The following THRB variants were observed in gnomAD, a reference collection of about 807,000 sequenced individuals.
The protein encoded by THRB is nuclear receptor subfamily 1 group A member 2.
In THRB, 12 loss-of-function variants were observed where a neutral mutation model predicts 47.8. The ratio of observed to expected loss-of-function variants is 0.25; its 90% CI spans 0.16 to 0.41. The LOEUF is 0.41. Among genes scored for constraint, THRB ranks in the 10% least tolerant of loss-of-function variants. The pLI is 1.00. For synonymous variants in THRB, 218 were observed against 212.2 expected (o/e 1.03, Z -0.24); for missense variants, 348 against 589.2 (o/e 0.59, Z 4.24).
chr3:24,148,745 A>G (rs2036483212), intron 6 of THRB, among the ~76,000 whole-genome samples: 2 of 152,214 alleles, frequency 1.3e-5, no homozygotes, highest in Admixed American at 6.5e-5. Context: ...CAGACACAAA[A>G]GCTCTTTCTT....
intron 4 of THRB, among the ~76,000 whole-genome samples, chr3:24,194,854 G>C (rs2043778702): frequency 6.6e-6 from 1 of 152,218 alleles, no homozygotes; most frequent in Non-Finnish European, 1.5e-5. Flanking sequence ...CTAAAGCAAA[G>C]GAAATAGGAT....
At chr3:24,485,639 C>T (rs989500026) in intron 1 of THRB, among the ~76,000 whole-genome samples, 6 of 152,206 alleles carry the variant, frequency 3.9e-5, no homozygotes, top group Non-Finnish European at 8.8e-5. Flanking sequence ...CCATCTGGCT[C>T]CTGCCTGCTC....
chr3:24,341,193 C>CTTTCATTTCCTTTCG (rs1371158177), intron 1 of THRB, among the ~76,000 whole-genome samples: 3 of 141,828 alleles, frequency 2.1e-5, no homozygotes, highest in Admixed American at 7.1e-5. Flanking sequence ...CTTTCGTTTC[C>CTTTCATTTCCTTTCG]TTTCCTTTCT....
At chr3:24,233,349 C>T (rs569486209) in intron 3 of THRB, among the ~76,000 whole-genome samples, 1 of 151,796 alleles carries the variant, frequency 6.6e-6, no homozygotes, top group Non-Finnish European at 1.5e-5. Flanking sequence ...TAGCTGGGCA[C>T]AGTGGCATGC....
chr3:24,165,056 A>C, intron 5 of THRB: 1 of 762,326 alleles, frequency 1.3e-6, no homozygotes, highest in Non-Finnish European at 2.4e-6. Flanking sequence ...TGGCGACTGC[A>C]CTTGAGAAAA....
chr3:24,411,817 T>C lies in THRB; in HGVS notation c.-260-74446A>G, dbSNP rs138860480. ...ATGTGTAGGATACAACAGAGAATTA[T>C]TTAACCCCATATATCAACAGTGCCA... On this transcript the variant is annotated intron_variant, in intron 1 of 10. Coordinates refer to ENST00000646209, the MANE Select transcript of THRB (RefSeq NM_001354712.2). 5.0e-3 allele frequency among the ~76,000 whole-genome samples: 753 copies of C among 151,860 alleles called. 5 individuals carry two copies. Among genetic ancestry groups the C allele is most frequent in the Non-Finnish European group, 4.7e-3 (320 of 67,828 alleles).
chr3:24,231,212 A>G (rs1467730900), intron 3 of THRB, among the ~76,000 whole-genome samples: 2 of 152,180 alleles, frequency 1.3e-5, no homozygotes, highest in Non-Finnish European at 2.9e-5. Flanking sequence ...CATTAATACA[A>G]ATGTGTCAGC....
At chr3:24,132,766 G>T (rs1028888096) in intron 9 of THRB, among the ~76,000 whole-genome samples, 1 of 152,226 alleles carries the variant, frequency 6.6e-6, no homozygotes, top group South Asian at 2.1e-4. Context: ...GGGATATTAA[G>T]AGCCTGGTTC....
rs542794204 is a variant in THRB, at chr3:24,118,322, C to A, written c.*4562G>T. 1 of 152,606 alleles carries A rather than the reference C, an allele frequency of 6.6e-6. No individual in the cohort carries two copies. Among genetic ancestry groups the A allele is most frequent in the East Asian group, 1.9e-4 (1 of 5,190 alleles). 9.5% of individuals were successfully genotyped at this position (152,606 alleles called of 1,614,324 possible). ...TGCATACAAAAGCTATGTAAAAATC[C>A]ATTTTTCCCAAATATACAAATTTTT... On this transcript the variant is annotated 3_prime_UTR_variant, in exon 11 of 11. Transcript: ENST00000646209.
At chr3:24,470,837 G>A (rs998569138) in intron 1 of THRB, among the ~76,000 whole-genome samples, 1 of 152,210 alleles carries the variant, frequency 6.6e-6, no homozygotes, top group African/African-American at 2.4e-5. Context: ...GGCTGGTCTC[G>A]AACTCCTGAC....
In THRB at chr3:24,445,040, A is replaced by G. The variant is rs137872324; in HGVS notation, c.-261+49612T>C. 3.5e-4 allele frequency among the ~76,000 whole-genome samples: 53 copies of G among 152,248 alleles called. 4 individuals carry two copies. In the East Asian group the frequency reaches 5.6e-3, roughly 16 times the overall value. On this transcript the variant is annotated intron_variant, in intron 1 of 10. Coordinates refer to ENST00000646209, the MANE Select transcript of THRB (RefSeq NM_001354712.2). The stretch of plus-strand genomic sequence containing the variant: ...ATACAAATTATAATGGGATATATAA[A>G]CTATAATATGGTTCTGCTACAATAA...
chr3:24,362,469 T>C (rs1175587441), intron 1 of THRB, among the ~76,000 whole-genome samples: 1 of 152,150 alleles, frequency 6.6e-6, no homozygotes, highest in Non-Finnish European at 1.5e-5. Flanking sequence ...CTGTTTAAAA[T>C]TGCATTTCCC....
intron 9 of THRB, among the ~76,000 whole-genome samples, chr3:24,129,910 C>T (rs892504151): frequency 1.3e-5 from 2 of 152,148 alleles, no homozygotes; most frequent in South Asian, 2.1e-4. Context: ...GGTGGGTTGG[C>T]GTGGATCTTA....
chr3:24,482,455 C>A (rs1249487581), intron 1 of THRB, among the ~76,000 whole-genome samples: 6 of 152,088 alleles, frequency 3.9e-5, no homozygotes, highest in African/African-American at 7.2e-5. Flanking sequence ...AGCATAGATA[C>A]CTACCCTTCC....
intron 6 of THRB, 59 bp from the exon 7 acceptor site, chr3:24,146,881 C>A: frequency 1.9e-6 from 3 of 1,553,658 alleles, no homozygotes; most frequent in Middle Eastern, 1.8e-4. Context: ...ATCAGTGATT[C>A]TGGAATTTTG....
At chr3:24,189,937 C>G in intron 5 of THRB, 137 bp downstream of exon 5, 1 of 806,588 alleles carries the variant, frequency 1.2e-6, no homozygotes, top group East Asian at 2.5e-5. Flanking sequence ...GAAAAGGACG[C>G]CTAGTAAAAG....
chr3:24,477,214 T>C (rs770113045), intron 1 of THRB, among the ~76,000 whole-genome samples: 3 of 152,078 alleles, frequency 2.0e-5, no homozygotes, highest in African/African-American at 4.8e-5. Flanking sequence ...CTTTTGTTGA[T>C]CGTGACTTAT....
intron 5 of THRB, among the ~76,000 whole-genome samples, chr3:24,185,890 C>T (rs941700547): frequency 1.3e-5 from 2 of 152,052 alleles, no homozygotes; most frequent in East Asian, 1.9e-4. Flanking sequence ...GGATCAGGGC[C>T]CCAGTCAAAC....
At chr3:24,304,437 A>G (rs1388568233) in intron 2 of THRB, among the ~76,000 whole-genome samples, 8 of 152,086 alleles carry the variant, frequency 5.3e-5, no homozygotes, top group Non-Finnish European at 8.8e-5. Flanking sequence ...TAGCTGTAAG[A>G]TTCATGAGAA....
Sources: gnomAD v4.1 joint callset for allele counts (sites outside exome capture counted in the v4.1 genomes callset) on GRCh38, gnomAD v4.1.1 for gene constraint, MANE v1.5 for transcripts, NCBI Gene and HGNC (gene_info 2026-07-23, HGNC 2026-07-21) for gene names.